The following TRNT1 variants were observed in gnomAD, a reference collection of about 807,000 sequenced individuals.
The protein encoded by TRNT1 is CCA tRNA nucleotidyltransferase 1, mitochondrial.
TRNT1 carries 44 observed loss-of-function variants against 45.6 expected under a neutral mutation model. That is an observed-to-expected ratio of 0.97 (90% CI 0.76 to 1.24). The LOEUF is 1.24. Among genes scored for constraint, TRNT1 ranks in the 50% most tolerant of loss-of-function variants. The pLI is 0.00. For synonymous variants in TRNT1, 201 were observed against 171.4 expected, an observed-to-expected ratio of 1.17 and a Z score of -1.35; for missense variants, 633 against 504.4, an observed-to-expected ratio of 1.25 and a Z score of -2.44.
intron 3 of TRNT1, among the ~76,000 whole-genome samples, chr3:3,137,924 T>A (rs968596735): frequency 3.3e-5 from 5 of 152,246 alleles, no homozygotes; most frequent in African/African-American, 1.2e-4. Flanking sequence ...GGCATGTTTT[T>A]AAATTTTCCT....
At position 3,137,982 on chromosome 3, in the gene TRNT1, A is replaced by G. The variant is rs1705431268; in HGVS notation, c.342+529A>G. Among the ~76,000 whole-genome samples, 4 of 152,220 alleles carry G rather than the reference A, an allele frequency of 2.6e-5. No homozygotes were observed. The South Asian group carries it at 6.2e-4, about 24-fold the overall frequency. Reference sequence around the variant, plus strand: ...TACATAAGCTTTCCATATACTACCAATTTATTCCTGCACTCTGTGCCAGAG... The same window carrying G: ...TACATAAGCTTTCCATATACTACCAGTTTATTCCTGCACTCTGTGCCAGAG... On this transcript the variant is annotated intron_variant, in intron 3 of 7. Transcript: ENST00000251607.
intron 2 of TRNT1, among the ~76,000 whole-genome samples, chr3:3,136,180 C>T (rs966043275): frequency 6.6e-6 from 1 of 152,072 alleles, no homozygotes; most frequent in African/African-American, 2.4e-5. Context: ...ACAGAGTTGT[C>T]TTGATCGATC....
chr3:3,144,962 C>A (rs1705897662), intron 5 of TRNT1: 1 of 228,394 alleles, frequency 4.4e-6, no homozygotes, highest in Non-Finnish European at 8.2e-6. Context: ...TTTTAAATGT[C>A]CATTTTTCTT....
downstream of TRNT1, chr3:3,152,447 T>C (rs372938485): frequency 5.5e-5 from 89 of 1,612,064 alleles, no homozygotes; most frequent in Non-Finnish European, 7.3e-5. Flanking sequence ...ACCACCACCA[T>C]AATATTACCC....
At chr3:3,152,051 G>A (rs1017643009), downstream of TRNT1, among the ~76,000 whole-genome samples, 3 of 152,098 alleles carry the variant, frequency 2.0e-5, no homozygotes, top group African/African-American at 4.8e-5. Context: ...GAGGACAACT[G>A]CAGTTGTCAA....
In TRNT1 at chr3:3,148,522, T is replaced by C. The variant is rs78363013; in HGVS notation, c.*368T>C. 3,405 of 158,030 alleles carry C rather than the reference T, an allele frequency of 0.022. 59 individuals are homozygous for C. The highest frequency in any genetic ancestry group is 0.031 in the Non-Finnish European group (2,255 of 71,732). The allele number at this position is 158,030 out of a possible 1,614,324, so 9.8% of individuals were successfully genotyped here. A position where few individuals can be genotyped will look rare whatever the true frequency, so the allele number is the denominator to read the frequency against. On this transcript the variant is annotated 3_prime_UTR_variant, in exon 8 of 8. Coordinates refer to ENST00000251607, the MANE Select transcript of TRNT1 (RefSeq NM_182916.3). ...AAAAACGTTTATTGTTTGTTTGCAA[T>C]TGAAATAACAGGGTTACCTTAACAA...
In TRNT1 at chr3:3,140,581, A is replaced by T. The variant is rs1020172653; in HGVS notation, c.414A>T (p.Val138=). 1 of 1,614,224 alleles carries T rather than the reference A, an allele frequency of 6.2e-7. No homozygotes were observed. Among genetic ancestry groups the T allele is most frequent in the Admixed American group, 1.7e-5 (1 of 60,036 alleles). ...CCACTGATGGAAGACATGCTGAGGT[A>T]GAATTTACAACTGACTGGCAGAAAG... ...DVTTDGRHAE[V]EFTTDWQKDA... Residue 138 remains valine, a synonymous_variant, in exon 4 of 8, where the codon GTA becomes GTT. Coordinates refer to ENST00000251607, the MANE Select transcript of TRNT1 (RefSeq NM_182916.3).
downstream of TRNT1, chr3:3,150,749 G>C (rs1706472757): frequency 1.0e-6 from 1 of 994,068 alleles, no homozygotes; most frequent in South Asian, 1.5e-5. Context: ...GTAATGTTAT[G>C]TTTACTTAGG....
At position 3,148,658 on chromosome 3, in the gene TRNT1, C is replaced by CCCAGTTGCTG. The variant is rs1368778107; in HGVS notation, c.*505_*514dup. On this transcript the variant is annotated 3_prime_UTR_variant, in exon 8 of 8. Transcript: ENST00000251607. ...ATAAAATGTGAATACTAAATGTGTC[C>CCCAGTTGCTG]CCAGTTGCTGGCATTCATATGTACA... is the stretch of plus-strand genomic sequence containing the variant. 6.6e-6 allele frequency: 1 copy of CCCAGTTGCTG among 152,474 alleles called. No individual in the cohort carries two copies. The highest frequency in any genetic ancestry group is 1.5e-5 in the Non-Finnish European group (1 of 68,378). The allele number at this position is 152,474 out of a possible 1,614,324, so 9.4% of individuals were successfully genotyped here. A position where few individuals can be genotyped will look rare whatever the true frequency, so the allele number is the denominator to read the frequency against.
At chr3:3,129,493 A>G in intron 2 of TRNT1, 2 of 393,956 alleles carry the variant, frequency 5.1e-6, no homozygotes, top group South Asian at 5.0e-5. Context: ...AGGCCAAGGT[A>G]GGAGGATTGT....
intron 1 of TRNT1, among the ~76,000 whole-genome samples, chr3:3,128,598 CAAAAA>C (rs111647168): frequency 3.1e-5 from 3 of 96,108 alleles, no homozygotes; most frequent in Admixed American, 2.4e-4. Flanking sequence ...GACTCCATCT[CAAAAA>C]AAAAAAAAAA....
rs190423145 is a variant in TRNT1, at chr3:3,144,615, T to C, written c.513T>C (p.Asn171=). Residue 171 remains asparagine (N), a synonymous_variant, in exon 5 of 8, where the codon AAT becomes AAC. Transcript: ENST00000251607. ...GFDGTLFDYF[N]GYEDLKNKKV... ...ATGGCACTTTATTTGACTACTTTAA[T>C]GGTTATGAAGATTTAAAAAATAAGA... 5.4e-5 allele frequency: 86 copies of C among 1,586,946 alleles called. No individual in the cohort carries two copies. The African/African-American group carries it at 1.1e-3, about 20-fold the overall frequency.
intron 2 of TRNT1, among the ~76,000 whole-genome samples, chr3:3,134,455 T>C (rs1354286989): frequency 6.6e-6 from 1 of 152,214 alleles, no homozygotes; most frequent in Non-Finnish European, 1.5e-5. Context: ...ATATATTACT[T>C]TGAGTTCTGG....
intron 4 of TRNT1, among the ~76,000 whole-genome samples, chr3:3,143,431 AT>A (rs1705785061): frequency 6.6e-6 from 1 of 152,236 alleles, no homozygotes; most frequent in Non-Finnish European, 1.5e-5. Flanking sequence ...TGGCTAATAG[AT>A]TAACATGGTT....
downstream of TRNT1, chr3:3,149,666 G>T (rs1208961774): frequency 6.6e-6 from 1 of 151,954 alleles, no homozygotes; most frequent in African/African-American, 2.4e-5. Flanking sequence ...AGTAGTAAAA[G>T]TAGACCTTAG....
downstream of TRNT1, chr3:3,152,484 G>C (rs1381465362): frequency 6.2e-7 from 1 of 1,613,826 alleles, no homozygotes; most frequent in South Asian, 1.1e-5. Context: ...TCTGTAGAAG[G>C]CCGGCCTATC....
intron 5 of TRNT1, 113 bp from the exon 6 acceptor site, chr3:3,146,317 A>G: frequency 2.8e-6 from 2 of 705,412 alleles, no homozygotes; most frequent in Non-Finnish European, 4.5e-6. Flanking sequence ...AACTAATTAT[A>G]TGTTGTTTTC....
At chr3:3,127,924 A>G (rs529670058) in intron 1 of TRNT1, 2 of 152,310 alleles carry the variant, frequency 1.3e-5, no homozygotes, top group Non-Finnish European at 2.9e-5. Flanking sequence ...TAGGAAAGAA[A>G]GGAGTTTATT....
chr3:3,147,901 C>T lies in TRNT1; in HGVS notation c.1057-5C>T, dbSNP rs111642741. On this transcript the variant is annotated splice_region_variant and splice_polypyrimidine_tract_variant and intron_variant, in intron 7 of 7. Transcript: ENST00000251607. ...CGAAACTAAATGTTTGATTTTGACACGTAGTCTAGGGAACCTGATGCAACT... is the reference window on the plus strand; with the variant it reads ...CGAAACTAAATGTTTGATTTTGACATGTAGTCTAGGGAACCTGATGCAACT... The T allele has an allele frequency of 1.2e-4, 186 of 1,603,284 alleles. No homozygotes were observed. The highest frequency in any genetic ancestry group is 5.0e-4 in the Middle Eastern group (3 of 6,034).
Sources: allele counts gnomAD v4.1 joint callset (sites outside exome capture counted in the v4.1 genomes callset), GRCh38; gene constraint gnomAD v4.1.1; transcripts MANE v1.5; gene names NCBI Gene and HGNC (gene_info 2026-07-23, HGNC 2026-07-21).